The following COBL variants were observed in gnomAD, a reference collection of about 807,000 sequenced individuals.
COBL encodes cordon-bleu WH2 repeat protein.
In COBL, 51 loss-of-function variants were observed where a neutral mutation model predicts 98.8. That is an observed-to-expected ratio of 0.52 (90% CI 0.41 to 0.65). The LOEUF (loss-of-function observed/expected upper bound fraction) is 0.65. Ranked by LOEUF, COBL falls within the 30% of genes least tolerant of loss-of-function variation. The probability of loss-of-function intolerance (pLI) is 0.00; values close to 1 mark genes in which losing one functional copy is unlikely to be tolerated. For missense variants in COBL, 1,617 were observed against 1,617.5 expected, an observed-to-expected ratio of 1.00 and a Z score of 0.01; for synonymous variants, 634 against 651.7, an observed-to-expected ratio of 0.97 and a Z score of 0.41.
chr7:51,137,992 T>C (rs1799397242), intron 5 of COBL, among the ~76,000 whole-genome samples: 1 of 152,218 alleles, frequency 6.6e-6, no homozygotes, highest in Non-Finnish European at 1.5e-5. Flanking sequence ...CTACCAGTTA[T>C]ACTATCATTT....
intron 2 of COBL, among the ~76,000 whole-genome samples, chr7:51,211,429 G>A (rs1273473352): frequency 6.6e-6 from 1 of 152,322 alleles, no homozygotes; most frequent in Middle Eastern, 3.4e-3. Context: ...TCACAGGGTG[G>A]ATAGAGTTTT....
Position 51,029,217 on chromosome 7 carries a change from T to C in COBL, c.1879A>G (p.Thr627Ala). Reference protein sequence around the residue: ...NISKDGNLMETAPRVTSFASN... With the variant: ...NISKDGNLMEAAPRVTSFASN... ...GCAAAAGAAGTCACCCTGGGCGCCG[T>C]TTCCATTAGATTCCCATCTTTAGAG... The change falls in exon 10 of 13, where the codon ACG becomes GCG. Residue 627 changes from threonine (T) to alanine (A), a missense_variant. Physicochemically the swap from Thr to Ala is moderately conservative, Grantham distance 58 (BLOSUM62 0). This residue lies in a region of COBL where 1,304 missense variants were observed against 1,282.0 expected (regional missense o/e 1.02). Coordinates refer to ENST00000265136, the MANE Select transcript of COBL (RefSeq NM_015198.5). 6.2e-7 allele frequency: 1 copy of C among 1,614,044 alleles called. No homozygotes were observed. The highest frequency in any genetic ancestry group is 2.2e-5 in the East Asian group (1 of 44,872).
chr7:51,230,430 A>G (rs1313007967), intron 1 of COBL, among the ~76,000 whole-genome samples: 2 of 152,032 alleles, frequency 1.3e-5, no homozygotes, highest in East Asian at 3.9e-4. Flanking sequence ...CCAAGGCTCA[A>G]ACCCAGCCCC....
At chr7:51,144,938 A>G (rs1784882346) in intron 5 of COBL, among the ~76,000 whole-genome samples, 1 of 152,232 alleles carries the variant, frequency 6.6e-6, no homozygotes, top group African/African-American at 2.4e-5. Flanking sequence ...TCATCTGTTC[A>G]TGGGCATTAG....
At chr7:51,279,013 GA>G (rs1175745271) in intron 1 of COBL, among the ~76,000 whole-genome samples, 1 of 152,222 alleles carries the variant, frequency 6.6e-6, no homozygotes, top group East Asian at 1.9e-4. Flanking sequence ...GTCCTGTAAG[GA>G]GTGATACAGC....
intron 12 of COBL, among the ~76,000 whole-genome samples, chr7:51,023,536 C>A (rs1341653717): frequency 6.6e-6 from 1 of 152,158 alleles, no homozygotes; most frequent in East Asian, 1.9e-4. Context: ...CACAAATGGC[C>A]CCTGGGGAGC....
At chr7:51,195,273 G>T (rs1014895750) in intron 2 of COBL, among the ~76,000 whole-genome samples, 2 of 152,058 alleles carry the variant, frequency 1.3e-5, no homozygotes, top group Admixed American at 1.3e-4. Flanking sequence ...TGAATAGGGA[G>T]TTATTTCCCC....
At chr7:51,287,882 G>A (rs1800522998) in intron 1 of COBL, among the ~76,000 whole-genome samples, 1 of 152,156 alleles carries the variant, frequency 6.6e-6, no homozygotes, top group Non-Finnish European at 1.5e-5. Flanking sequence ...TTGACTGAAA[G>A]GAGCTGAATC....
chr7:51,224,254 C>T (rs1584233818), intron 1 of COBL, among the ~76,000 whole-genome samples: 1 of 152,050 alleles, frequency 6.6e-6, no homozygotes. Context: ...CTATGTATGA[C>T]CGTACTTAAA....
At chr7:51,308,169 C>T (rs1052883099) in intron 1 of COBL, among the ~76,000 whole-genome samples, 10 of 152,210 alleles carry the variant, frequency 6.6e-5, no homozygotes, top group African/African-American at 2.4e-4. Flanking sequence ...GCATTGAACA[C>T]TAGTGGATTT....
intron 5 of COBL, among the ~76,000 whole-genome samples, chr7:51,138,180 A>G (rs902128480): frequency 2.6e-5 from 4 of 152,204 alleles, no homozygotes; most frequent in African/African-American, 7.2e-5. Flanking sequence ...GAAACAGGTG[A>G]CGGTGATATA....
chr7:51,278,379 C>CTTTTTTTT (rs10649607), intron 1 of COBL, among the ~76,000 whole-genome samples: 1 of 119,520 alleles, frequency 8.4e-6, no homozygotes, highest in African/African-American at 3.2e-5. Flanking sequence ...TAGACAGGAT[C>CTTTTTTTT]TTTTTTTTTT....
chr7:51,103,347 G>A (rs1271298460), intron 6 of COBL, among the ~76,000 whole-genome samples: 1 of 151,982 alleles, frequency 6.6e-6, no homozygotes, highest in Non-Finnish European at 1.5e-5. Flanking sequence ...TTCCTACTGT[G>A]GTGTCCATGT....
intron 1 of COBL, among the ~76,000 whole-genome samples, chr7:51,247,558 T>C (rs1266959479): frequency 6.6e-6 from 1 of 152,140 alleles, no homozygotes; most frequent in Non-Finnish European, 1.5e-5. Flanking sequence ...ACTGGACAGG[T>C]AGGGACAAGG....
At chr7:51,108,761 C>T (rs114235433) in intron 6 of COBL, among the ~76,000 whole-genome samples, 1,672 of 152,224 alleles carry the variant, frequency 0.011, 31 homozygotes, top group African/African-American at 0.039. Context: ...AGGAAAGCTG[C>T]TTCCCCCAAA....
rs1344770453 is a variant in COBL at position 51,213,252 on chromosome 7, A to G, written c.245+6489T>C. Among the ~76,000 whole-genome samples the G allele has an allele frequency of 2.0e-5, 3 of 152,152 alleles. No individual in the cohort carries two copies. In the East Asian group the frequency reaches 5.8e-4, roughly 29 times the overall value. On this transcript the variant is annotated intron_variant, in intron 2 of 12. Coordinates refer to ENST00000265136, the MANE Select transcript of COBL (RefSeq NM_015198.5). ...GCCTGCCACAGACGAGGACCAGTCA[A>G]CGGTGTGTTAGAAGCCAGGTCGCAC...
chr7:51,158,404 C>A (rs186656839), intron 5 of COBL, among the ~76,000 whole-genome samples: 1 of 152,008 alleles, frequency 6.6e-6, no homozygotes, highest in Non-Finnish European at 1.5e-5. Context: ...CTCACTCACA[C>A]GCGTCCACAG....
chr7:51,215,473 G>A (rs1478228601), intron 2 of COBL, among the ~76,000 whole-genome samples: 1 of 152,154 alleles, frequency 6.6e-6, no homozygotes, highest in African/African-American at 2.4e-5. Flanking sequence ...TAGAAATGAT[G>A]AGTGAAGATC....
intron 4 of COBL, among the ~76,000 whole-genome samples, chr7:51,186,463 C>T (rs115083793): frequency 0.013 from 1,912 of 152,260 alleles, 37 homozygotes; most frequent in African/African-American, 0.044. Flanking sequence ...TGTATTACAC[C>T]GACCACAGAA....
Sources: gnomAD v4.1 joint callset for allele counts (sites outside exome capture counted in the v4.1 genomes callset) on GRCh38, gnomAD v4.1.1 for gene constraint, gnomAD v4.1.1 regional missense constraint, MANE v1.5 for transcripts, NCBI Gene and HGNC (gene_info 2026-07-23, HGNC 2026-07-21) for gene names.